The following ZC3H12B variants were observed in gnomAD, a reference collection of about 807,000 sequenced individuals.
The protein encoded by ZC3H12B is zinc finger CCCH-type containing 12B.
A neutral mutation model predicts 43.9 loss-of-function variants in ZC3H12B; 7 were observed. That is an observed-to-expected ratio of 0.16 (90% CI 0.09 to 0.30). The LOEUF is 0.30. Ranked by LOEUF, ZC3H12B falls within the 10% of genes least tolerant of loss-of-function variation. The pLI is 1.00. For missense variants in ZC3H12B, 475 were observed against 670.2 expected (o/e 0.71, Z 3.22); for synonymous variants, 222 against 241.7 (o/e 0.92, Z 0.76).
the ZC3H12B span, among the ~76,000 whole-genome samples, chrX:65,136,207 G>T: frequency 9.0e-6 from 1 of 111,380 alleles, no homozygotes; most frequent in Non-Finnish European, 1.9e-5. Flanking sequence ...GCTAATGGGA[G>T]AACTACCTCA....
At chrX:65,252,130 G>A in the ZC3H12B span, among the ~76,000 whole-genome samples, 33 of 112,046 alleles carry the variant, frequency 2.9e-4, no homozygotes, top group African/African-American at 1.1e-3. Flanking sequence ...AATTTATTGA[G>A]AGTTGTTAGC....
At chrX:65,232,833 A>G in the ZC3H12B span, among the ~76,000 whole-genome samples, 1 of 111,646 alleles carries the variant, frequency 9.0e-6, no homozygotes, top group Non-Finnish European at 1.9e-5. Flanking sequence ...ACTCGACTAT[A>G]TGCTGTCTAG....
At chrX:65,056,584 G>T in the ZC3H12B span, among the ~76,000 whole-genome samples, 56 of 111,911 alleles carry the variant, frequency 5.0e-4, 1 homozygote, top group South Asian at 0.019. Flanking sequence ...GGGGTGGAGA[G>T]TTCTGTAGAT....
the ZC3H12B span, among the ~76,000 whole-genome samples, chrX:65,117,950 T>G: frequency 0.22 from 24,615 of 110,985 alleles, 6,545 homozygotes; most frequent in African/African-American, 0.76. Flanking sequence ...TACCATGCTG[T>G]TTTGGTTACT....
chrX:65,067,711 C>CT, the ZC3H12B span, among the ~76,000 whole-genome samples: 83 of 107,572 alleles, frequency 7.7e-4, no homozygotes, highest in East Asian at 4.7e-3. Context: ...TTTCATTGAT[C>CT]TTTTTTTTTT....
chrX:65,441,896 G>A (rs778278718), intron 3 of ZC3H12B, among the ~76,000 whole-genome samples: 2 of 110,356 alleles, frequency 1.8e-5, no homozygotes, highest in African/African-American at 6.6e-5. Context: ...CCCGGGACGG[G>A]CCCCTCATGG....
the ZC3H12B span, among the ~76,000 whole-genome samples, chrX:65,054,803 A>T: frequency 4.5e-5 from 5 of 111,493 alleles, no homozygotes; most frequent in East Asian, 1.1e-3. Context: ...AGTCCTTCAC[A>T]TCCCTTGTAA....
At chrX:65,164,162 G>A in the ZC3H12B span, among the ~76,000 whole-genome samples, 1 of 111,523 alleles carries the variant, frequency 9.0e-6, no homozygotes, top group African/African-American at 3.3e-5. Flanking sequence ...AGAAGTTGGA[G>A]GCTAGGGTTT....
intron 2 of ZC3H12B, among the ~76,000 whole-genome samples, chrX:65,381,298 C>G (rs2066435881): frequency 9.0e-6 from 1 of 111,718 alleles, no homozygotes; most frequent in South Asian, 3.7e-4. Flanking sequence ...GATTAAGAAA[C>G]TCACTCAAAA....
the ZC3H12B span, among the ~76,000 whole-genome samples, chrX:65,132,273 G>A: frequency 1.9e-3 from 214 of 111,666 alleles, 1 homozygote; most frequent in Non-Finnish European, 2.2e-3. Context: ...AGACTTGTCC[G>A]GTTTTTGAAC....
chrX:65,427,936 G>C lies in ZC3H12B; in HGVS notation n.407+29232G>C, dbSNP rs1328204977. Among the ~76,000 whole-genome samples the C allele has an allele frequency of 1.3e-4, 15 of 111,810 alleles. No individual in the cohort carries two copies. The Admixed American group carries it at 1.4e-3, about 11-fold the overall frequency. ...CTCCCATATTGAGTGCTTCCTTCAT[G>C]AGCTCTTGTAAGGCACATCTGCTGG... is the stretch of plus-strand genomic sequence containing the variant. On this transcript the variant is annotated intron_variant and non_coding_transcript_variant, in intron 3 of 5. Transcript: ENST00000617377.
At chrX:65,338,771 C>T in the ZC3H12B span, among the ~76,000 whole-genome samples, 2 of 111,991 alleles carry the variant, frequency 1.8e-5, no homozygotes, top group Non-Finnish European at 3.8e-5. Flanking sequence ...ACCATAAAAT[C>T]ATCTCAATAT....
the ZC3H12B span, among the ~76,000 whole-genome samples, chrX:65,140,639 G>T: frequency 8.9e-6 from 1 of 111,869 alleles, no homozygotes; most frequent in Admixed American, 9.5e-5. Context: ...GTTTGAGAAG[G>T]ATTAATATTA....
At chrX:65,186,044 T>G in the ZC3H12B span, 11 of 111,894 alleles carry the variant, frequency 9.8e-5, no homozygotes, top group African/African-American at 3.2e-4. Context: ...CAGTCTGGAT[T>G]ATATTGTTTA....
chrX:65,071,722 C>G, the ZC3H12B span, among the ~76,000 whole-genome samples: 1 of 111,687 alleles, frequency 9.0e-6, no homozygotes, highest in Admixed American at 9.5e-5. Context: ...CTTAGTTTTT[C>G]TGGATATGAA....
chrX:65,286,152 G>A, the ZC3H12B span, among the ~76,000 whole-genome samples: 1 of 111,692 alleles, frequency 9.0e-6, no homozygotes. Flanking sequence ...GCAAAGACAT[G>A]GAATCAACCT....
the ZC3H12B span, among the ~76,000 whole-genome samples, chrX:65,128,239 A>G: frequency 8.9e-6 from 1 of 112,203 alleles, no homozygotes; most frequent in African/African-American, 3.2e-5. Flanking sequence ...AGAATGGGGT[A>G]GTATCTTAGG....
the ZC3H12B span, among the ~76,000 whole-genome samples, chrX:65,259,865 T>C: frequency 8.9e-6 from 1 of 111,894 alleles, no homozygotes; most frequent in Non-Finnish European, 1.9e-5. Flanking sequence ...ATGTGGTATA[T>C]ATACACAATG....
At chrX:65,454,831 G>C (rs1474337295) in intron 3 of ZC3H12B, among the ~76,000 whole-genome samples, 3 of 111,877 alleles carry the variant, frequency 2.7e-5, no homozygotes, top group Non-Finnish European at 5.6e-5. Context: ...AATATCCGCT[G>C]TTCTGCAGCC....
Sources: gnomAD v4.1 joint callset for allele counts (sites outside exome capture counted in the v4.1 genomes callset) on GRCh38, gnomAD v4.1.1 for gene constraint, MANE v1.5 for transcripts, NCBI Gene and HGNC (gene_info 2026-07-23, HGNC 2026-07-21) for gene names.